Variants in RAP1GAP2 observed in about 807,000 individuals in gnomAD.
RAP1GAP2 encodes the protein RAP1 GTPase activating protein 2.
In RAP1GAP2, 27 loss-of-function variants were observed where a neutral mutation model predicts 95.0. The observed-to-expected ratio is 0.28, with a 90% confidence interval of 0.21 to 0.39. The LOEUF is 0.39. RAP1GAP2 is among the 10% of genes least tolerant of loss of function. The probability of loss-of-function intolerance (pLI) is 1.00; values close to 1 mark genes in which losing one functional copy is unlikely to be tolerated. For missense variants in RAP1GAP2, 771 were observed against 970.0 expected (o/e 0.79, Z 2.72); for synonymous variants, 373 against 380.9 (o/e 0.98, Z 0.24).
chr17:2,857,060 C>T lies in RAP1GAP2; in HGVS notation c.81-48224C>T, dbSNP rs2072169499. Among the ~76,000 whole-genome samples, 1 of 152,188 alleles carries T rather than the reference C, an allele frequency of 6.6e-6. No individual in the cohort carries two copies. Among genetic ancestry groups the T allele is most frequent in the African/African-American group, 2.4e-5 (1 of 41,450 alleles). On this transcript the variant is annotated intron_variant, in intron 2 of 24. Transcript: ENST00000254695. This position sits in a 1 kb window ranked among gnomAD's most constrained non-coding sequence, Gnocchi z 4.0. ...CAGCTGCCAGCCTCTCTTAAGCATC[C>T]CCCATACTCCATGCTGGGCGTTACA...
chr17:2,785,720 A>G (rs1296031942), intron 1 of RAP1GAP2, among the ~76,000 whole-genome samples: 1 of 152,012 alleles, frequency 6.6e-6, no homozygotes, highest in Non-Finnish European at 1.5e-5. Context: ...GAGTCTGCCG[A>G]TGCTCCCGGC....
intron 3 of RAP1GAP2, among the ~76,000 whole-genome samples, chr17:2,914,689 ACCGTGTTAG>A (rs2042508523): frequency 6.7e-6 from 1 of 148,772 alleles, no homozygotes; most frequent in Non-Finnish European, 1.5e-5. Context: ...ACGGGGTTTC[ACCGTGTTAG>A]CCAGGATGGT....
chr17:2,986,666 A>G (rs1174324958), intron 11 of RAP1GAP2, among the ~76,000 whole-genome samples: 1 of 151,906 alleles, frequency 6.6e-6, no homozygotes, highest in Non-Finnish European at 1.5e-5. Context: ...AATGAGCCTC[A>G]CCTAACTCTC....
chr17:2,997,548 A>C (rs2046001975), intron 13 of RAP1GAP2, among the ~76,000 whole-genome samples: 1 of 152,088 alleles, frequency 6.6e-6, no homozygotes. Flanking sequence ...AGGGATCTGC[A>C]TGCTGTAGAG....
chr17:2,963,758 G>A lies in RAP1GAP2; in HGVS notation c.280-98G>A, dbSNP rs71359191. The A allele has an allele frequency of 1.8e-6, 2 of 1,120,600 alleles. No individual in the cohort carries two copies. Among genetic ancestry groups the A allele is most frequent in the Non-Finnish European group, 2.5e-6 (2 of 793,684 alleles). The allele number at this position is 1,120,600 out of a possible 1,614,324, so 69.4% of individuals were successfully genotyped here. ...TGGCCTCAAGTACCAGTGGGTACCA[G>A]GCCCCACTCCTGGGAGCAGCGCAGA... is the stretch of plus-strand genomic sequence containing the variant. On this transcript the variant is annotated intron_variant, in intron 6 of 24. Transcript: ENST00000254695. This position sits in a 1 kb window ranked among gnomAD's most constrained non-coding sequence, Gnocchi z 4.8.
intron 8 of RAP1GAP2, among the ~76,000 whole-genome samples, chr17:2,976,888 A>G (rs1283897008): frequency 6.6e-6 from 1 of 152,136 alleles, no homozygotes; most frequent in Non-Finnish European, 1.5e-5. Context: ...TAATCCCAGC[A>G]CTTTGGGAGG....
chr17:2,939,288 C>T (rs1351904761), intron 3 of RAP1GAP2, among the ~76,000 whole-genome samples: 1 of 152,184 alleles, frequency 6.6e-6, no homozygotes, highest in Non-Finnish European at 1.5e-5. Context: ...CGGGCTTTCG[C>T]CATGTTGGCC....
At chr17:2,821,441 T>C (rs548520520) in intron 2 of RAP1GAP2, among the ~76,000 whole-genome samples, 69 of 150,868 alleles carry the variant, frequency 4.6e-4, no homozygotes, top group Non-Finnish European at 7.7e-4. Flanking sequence ...AGTGGCACGC[T>C]TACAGTTCAC....
chr17:2,833,703 A>T (rs887597052), intron 2 of RAP1GAP2, among the ~76,000 whole-genome samples: 1 of 151,616 alleles, frequency 6.6e-6, no homozygotes, highest in Non-Finnish European at 1.5e-5. Flanking sequence ...AAAAAAAAAA[A>T]AAAAAAAAGA....
intron 2 of RAP1GAP2, among the ~76,000 whole-genome samples, chr17:2,771,090 CAAAA>C (rs952127914): frequency 3.9e-5 from 6 of 152,084 alleles, no homozygotes; most frequent in South Asian, 2.1e-4. Flanking sequence ...ATAAAACAAA[CAAAA>C]AACCCAACAA....
intron 3 of RAP1GAP2, among the ~76,000 whole-genome samples, chr17:2,919,255 A>G (rs1051367124): frequency 2.0e-5 from 3 of 152,204 alleles, no homozygotes. Context: ...TGGAGGAAGG[A>G]ACATCTTTCT....
At chr17:2,882,402 C>T (rs994398651) in intron 2 of RAP1GAP2, among the ~76,000 whole-genome samples, 1 of 152,028 alleles carries the variant, frequency 6.6e-6, no homozygotes, top group Non-Finnish European at 1.5e-5. Flanking sequence ...AGTGATTCTC[C>T]TGCCTTGGCC....
intron 16 of RAP1GAP2, among the ~76,000 whole-genome samples, chr17:3,006,668 C>G (rs770461004): frequency 6.7e-6 from 1 of 148,478 alleles, no homozygotes; most frequent in Admixed American, 6.7e-5. Flanking sequence ...CTCCTGACCT[C>G]GTGATCCGCC....
rs111689721 is a variant in RAP1GAP2, at chr17:2,831,223, C to T, written c.80+30673C>T. 3.9e-4 allele frequency among the ~76,000 whole-genome samples: 58 copies of T among 147,528 alleles called. 1 individual carries two copies. The highest frequency in any genetic ancestry group is 1.4e-3 in the African/African-American group (54 of 39,754). On this transcript the variant is annotated intron_variant, in intron 2 of 24. Coordinates refer to ENST00000254695, the MANE Select transcript of RAP1GAP2 (RefSeq NM_015085.5). ...TCCCGAGTAGTTGGGACTACAGGCA[C>T]CTGCCACCACGCCCAGCTACTTTTT...
chr17:2,864,088 C>T (rs77822270), intron 2 of RAP1GAP2, among the ~76,000 whole-genome samples: 13 of 151,318 alleles, frequency 8.6e-5, no homozygotes, highest in East Asian at 3.9e-4. Flanking sequence ...CGGGAGCCCC[C>T]GGTTCCTCAC....
chr17:2,957,487 GC>G (rs1423769798), intron 3 of RAP1GAP2, among the ~76,000 whole-genome samples: 2 of 152,228 alleles, frequency 1.3e-5, no homozygotes, highest in Non-Finnish European at 2.9e-5. Context: ...GGGCCGGCAG[GC>G]CCCTTTCCTT....
chr17:2,786,394 C>A (rs1408014550), intron 1 of RAP1GAP2, among the ~76,000 whole-genome samples: 2 of 152,256 alleles, frequency 1.3e-5, no homozygotes, highest in Non-Finnish European at 2.9e-5. Flanking sequence ...TGGCTGCCAT[C>A]CTAGAAACAA....
chr17:2,767,088 G>GTGGCCA (rs1337581365), intron 1 of RAP1GAP2, among the ~76,000 whole-genome samples: 1 of 151,884 alleles, frequency 6.6e-6, no homozygotes, highest in Non-Finnish European at 1.5e-5. Flanking sequence ...TGGTGGCCAG[G>GTGGCCA]CGTGGTGGCT....
chr17:2,890,482 T>C (rs1215960986), intron 2 of RAP1GAP2, among the ~76,000 whole-genome samples: 4 of 151,508 alleles, frequency 2.6e-5, no homozygotes, highest in African/African-American at 7.3e-5. Flanking sequence ...GGCTCTGTGA[T>C]AGGGAAACTT....
Sources: gnomAD v4.1 joint callset for allele counts (sites outside exome capture counted in the v4.1 genomes callset) on GRCh38, gnomAD v4.1.1 for gene constraint, Gnocchi (gnomAD v3.1) non-coding constraint, MANE v1.5 for transcripts, NCBI Gene and HGNC (gene_info 2026-07-23, HGNC 2026-07-21) for gene names.